FLNB: variants seen among roughly 807,000 people sequenced by gnomAD.
The protein encoded by FLNB is filamin-B.
FLNB carries 111 observed loss-of-function variants against 250.6 expected under a neutral mutation model. The ratio of observed to expected loss-of-function variants is 0.44; its 90% CI spans 0.38 to 0.52. FLNB has a LOEUF of 0.52. Among genes scored for constraint, FLNB ranks in the 20% least tolerant of loss-of-function variants. The pLI is 0.00. For missense variants in FLNB, 2,869 were observed against 3,447.8 expected, an observed-to-expected ratio of 0.83 and a Z score of 4.20; for synonymous variants, 1,302 against 1,372.1, an observed-to-expected ratio of 0.95 and a Z score of 1.13.
chr3:58,109,027 C>T (rs1490199751), intron 13 of FLNB, 152 bp from the exon 14 acceptor site: 9 of 836,352 alleles, frequency 1.1e-5, no homozygotes, highest in Middle Eastern at 2.7e-4. Flanking sequence ...TGGTTGTCAC[C>T]GTGTTGTGAA....
chr3:58,154,795 G>T lies in FLNB; in HGVS notation c.6639G>T (p.Glu2213Asp). ...LERGEAGVPA[E>D]FSIWTREAGA... ...CAGGTTTCTCTTTGCTCTCAGCTGA[G>T]TTCAGCATTTGGACCCGGGAAGCAG... The change falls in exon 40 of 46, where the codon GAG becomes GAT. Residue 2213 changes from glutamate to aspartate, a missense_variant. Transcript: ENST00000295956. 6.2e-7 allele frequency: 1 copy of T among 1,614,050 alleles called. No homozygotes were observed. The highest frequency in any genetic ancestry group is 2.2e-5 in the East Asian group (1 of 44,862).
At chr3:58,099,247 G>T (rs2097245026) in intron 8 of FLNB, among the ~76,000 whole-genome samples, 1 of 152,166 alleles carries the variant, frequency 6.6e-6, no homozygotes, top group Non-Finnish European at 1.5e-5. Context: ...CAGCAACATG[G>T]GCCCTGCAGC....
intron 1 of FLNB, among the ~76,000 whole-genome samples, chr3:58,061,105 A>G (rs1387297452): frequency 6.6e-6 from 1 of 152,158 alleles, no homozygotes; most frequent in Non-Finnish European, 1.5e-5. Flanking sequence ...ATTTAAACAA[A>G]CAGGTGAAAG....
chr3:58,077,412 TAGCCCATTATA>T lies in FLNB; in HGVS notation c.541+132_541+142del. Reference sequence around the variant, plus strand: ...TTGATTAGCGTATTTCTCCAGGTCTTAGCCCATTATAAGCCCATTATAAGGAAACTAAAACT... The same window carrying T: ...TTGATTAGCGTATTTCTCCAGGTCTTAGCCCATTATAAGGAAACTAAAACT... On this transcript the variant is annotated intron_variant, in intron 2 of 45. Coordinates refer to ENST00000295956, the MANE Select transcript of FLNB (RefSeq NM_001457.4). 3 of 1,316,410 alleles carry T rather than the reference TAGCCCATTATA, an allele frequency of 2.3e-6. No homozygotes were observed. In the South Asian group the frequency reaches 3.9e-5, roughly 17 times the overall value. The allele number at this position is 1,316,410 out of a possible 1,614,324, so 81.5% of individuals were successfully genotyped here.
At position 58,112,175 on chromosome 3, in the gene FLNB, T is replaced by C. The variant is rs868737640; in HGVS notation, c.2602T>C (p.Phe868Leu). Residue 868 changes from phenylalanine to leucine, a missense_variant, in exon 18 of 46, where the codon TTC (phenylalanine) becomes CTC (leucine). By Grantham distance (22) the Phe-to-Leu change is conservative. Around this residue, in one of 5 missense-constraint regions of FLNB, gnomAD observed 1,348 missense variants for 1,466.7 expected, o/e 0.92. Coordinates refer to ENST00000295956, the MANE Select transcript of FLNB (RefSeq NM_001457.4). The part of the protein sequence containing the change: ...AGVENGKPTH[F>L]TVYTKGAGKA... ...TGTGGAAAATGGGAAACCGACCCAC[T>C]TCACTGTCTACACCAAGGGGGCTGG... 1 of 1,614,152 alleles carries C rather than the reference T, an allele frequency of 6.2e-7. No individual in the cohort carries two copies. The highest frequency in any genetic ancestry group is 1.7e-4 in the Middle Eastern group (1 of 6,052).
intron 1 of FLNB, among the ~76,000 whole-genome samples, chr3:58,028,947 TG>T (rs1175119662): frequency 3.3e-5 from 5 of 151,726 alleles, no homozygotes; most frequent in Non-Finnish European, 2.9e-5. Context: ...CTGGGTATGG[TG>T]GTATGTGCCT....
At chr3:58,114,174 C>T (rs1047169349) in intron 18 of FLNB, among the ~76,000 whole-genome samples, 5 of 152,140 alleles carry the variant, frequency 3.3e-5, no homozygotes, top group Non-Finnish European at 5.9e-5. Flanking sequence ...GGCACTGTCT[C>T]GGCTCACTGC....
At chr3:58,073,497 A>G (rs2097197581) in intron 1 of FLNB, among the ~76,000 whole-genome samples, 1 of 151,990 alleles carries the variant, frequency 6.6e-6, no homozygotes, top group Admixed American at 6.6e-5. Context: ...GGCTGGCTTC[A>G]TGACCACATG....
chr3:58,069,139 TAAA>T (rs966824772), intron 1 of FLNB, among the ~76,000 whole-genome samples: 5 of 134,596 alleles, frequency 3.7e-5, no homozygotes, highest in Non-Finnish European at 3.2e-5. Flanking sequence ...ACCCTGTCTT[TAAA>T]AAAAAAAAAA....
chr3:58,123,605 G>T lies in FLNB; in HGVS notation c.3639G>T (p.Val1213=), dbSNP rs1305422553. The change falls in exon 21 of 46, where the codon GTG becomes GTT. Residue 1213 remains valine (V), a synonymous_variant. Coordinates refer to ENST00000295956, the MANE Select transcript of FLNB (RefSeq NM_001457.4). The part of the protein sequence containing the change: ...TLTMKYGGEL[V]PHFPARVKVE... ...CCATGAAGTATGGTGGCGAACTCGTGCCACACTTCCCCGCCCGGGTCAAGG... is the reference window on the plus strand; with the variant it reads ...CCATGAAGTATGGTGGCGAACTCGTTCCACACTTCCCCGCCCGGGTCAAGG... 2 of 1,612,520 alleles carry T rather than the reference G, an allele frequency of 1.2e-6. No homozygotes were observed. Among genetic ancestry groups the T allele is most frequent in the Non-Finnish European group, 1.7e-6 (2 of 1,179,944 alleles).
intron 21 of FLNB, among the ~76,000 whole-genome samples, 173 bp from the exon 22 acceptor site, chr3:58,124,159 C>A (rs571407326): frequency 6.6e-6 from 1 of 152,216 alleles, no homozygotes; most frequent in Non-Finnish European, 1.5e-5. Context: ...TCTAGAAAGG[C>A]CTTCTTTGGG....
chr3:58,026,002 C>T lies in FLNB; in HGVS notation c.292+17146C>T, dbSNP rs578175114. Among the ~76,000 whole-genome samples the T allele has an allele frequency of 3.2e-4, 48 of 152,328 alleles. No homozygotes were observed. In the South Asian group the frequency reaches 6.2e-3, roughly 20 times the overall value. The stretch of plus-strand genomic sequence containing the variant: ...AAGGTGCCTCTAAAGCTCTTGGCAC[C>T]GTGCCTGGCTTATAGTAAGTGCTTG... On this transcript the variant is annotated intron_variant, in intron 1 of 45. Coordinates refer to ENST00000295956, the MANE Select transcript of FLNB (RefSeq NM_001457.4).
intron 1 of FLNB, among the ~76,000 whole-genome samples, chr3:58,046,791 TC>T (rs1205731749): frequency 6.6e-6 from 1 of 152,156 alleles, no homozygotes; most frequent in African/African-American, 2.4e-5. Context: ...GCAGTCACTC[TC>T]CCTTTCCCTT....
At position 58,123,406 on chromosome 3, in the gene FLNB, A is replaced by C; in HGVS notation, c.3440A>C (p.Lys1147Thr). Residue 1147 changes from lysine to threonine, a missense_variant, in exon 21 of 46, where the codon AAG becomes ACG. Coordinates refer to ENST00000295956, the MANE Select transcript of FLNB (RefSeq NM_001457.4). ...VASGPGLEHG[K>T]VGEAGLLSVD... The stretch of plus-strand genomic sequence containing the variant: ...TCGGGGCCAGGTCTCGAGCACGGGA[A>C]GGTGGGTGAAGCTGGCCTCCTTAGC... 6.2e-7 allele frequency: 1 copy of C among 1,614,118 alleles called. No individual in the cohort carries two copies. Among genetic ancestry groups the C allele is most frequent in the Non-Finnish European group, 8.5e-7 (1 of 1,179,996 alleles).
rs747023597 is a variant in FLNB, at chr3:58,153,569, C to T, written c.6562C>T (p.Leu2188Phe). The change falls in exon 39 of 46, where the codon CTT becomes TTT. Residue 2188 changes from leucine to phenylalanine, a missense_variant. Physicochemically the swap from Leu to Phe is conservative, Grantham distance 22. This residue lies in a region of FLNB where 1,084 missense variants were observed against 1,315.5 expected (regional missense o/e 0.82). Transcript: ENST00000295956. ...CCCCTTCCAGTTCACCGTGGGGCCA[C>T]TTGGTGAAGGAGGCGCCCACAAGGT... The part of the protein sequence containing the change: ...GSPFQFTVGP[L>F]GEGGAHKVRA... The T allele has an allele frequency of 7.4e-6, 12 of 1,614,152 alleles. No individual in the cohort carries two copies. The highest frequency in any genetic ancestry group is 1.1e-5 in the South Asian group (1 of 91,082).
chr3:58,142,068 C>T lies in FLNB; in HGVS notation c.5181+139C>T. On this transcript the variant is annotated intron_variant, in intron 30 of 45. Transcript: ENST00000295956. The surrounding 1 kb of genome is among the most constrained non-coding windows in gnomAD (Gnocchi z 4.3). ...GTGTGCCCCTCACTGATCAGCCCAT[C>T]ACGATGATCCCTGCTTTTTCTGTAA... 1.3e-6 allele frequency: 1 copy of T among 750,100 alleles called. No individual in the cohort carries two copies. Among genetic ancestry groups the T allele is most frequent in the Non-Finnish European group, 2.4e-6 (1 of 414,092 alleles). The allele number at this position is 750,100 out of a possible 1,614,324, so 46.5% of individuals were successfully genotyped here.
At chr3:58,068,560 C>T (rs574850799) in intron 1 of FLNB, among the ~76,000 whole-genome samples, 34 of 152,288 alleles carry the variant, frequency 2.2e-4, no homozygotes, top group East Asian at 2.1e-3. Context: ...CAGCTGTCCC[C>T]GCTTTGGTTC....
chr3:58,053,393 G>A (rs1402517689), intron 1 of FLNB, among the ~76,000 whole-genome samples: 3 of 152,168 alleles, frequency 2.0e-5, no homozygotes, highest in Non-Finnish European at 4.4e-5. Flanking sequence ...GTCACAGTCC[G>A]TTGTTAAATA....
At chr3:58,057,905 C>A (rs965290751) in intron 1 of FLNB, among the ~76,000 whole-genome samples, 1 of 152,126 alleles carries the variant, frequency 6.6e-6, no homozygotes, top group African/African-American at 2.4e-5. Flanking sequence ...ATTCTCCTAC[C>A]TCAGCCTCCC....
Sources: gnomAD v4.1 joint callset for allele counts (sites outside exome capture counted in the v4.1 genomes callset) on GRCh38, gnomAD v4.1.1 for gene constraint, gnomAD v4.1.1 regional missense constraint, Gnocchi (gnomAD v3.1) non-coding constraint, MANE v1.5 for transcripts, NCBI Gene and HGNC (gene_info 2026-07-23, HGNC 2026-07-21) for gene names.